Variants in AP3B1 observed in about 807,000 individuals in gnomAD.
The protein encoded by AP3B1 is adaptor related protein complex 3 subunit beta 1.
In AP3B1, 61 loss-of-function variants were observed where a neutral mutation model predicts 132.5. The observed-to-expected ratio is 0.46, with a 90% CI of 0.37 to 0.57. The LOEUF is 0.57. AP3B1 is among the 20% of genes least tolerant of loss of function. The pLI is 0.00. For missense variants in AP3B1, 1,120 were observed against 1,289.4 expected, an observed-to-expected ratio of 0.87 and a Z score of 2.01; for synonymous variants, 388 against 438.3, an observed-to-expected ratio of 0.89 and a Z score of 1.43.
intron 2 of AP3B1, among the ~76,000 whole-genome samples, chr5:78,248,078 T>C (rs187926205): frequency 2.4e-4 from 37 of 152,346 alleles, no homozygotes; most frequent in African/African-American, 8.7e-4. Flanking sequence ...AAACAGCATA[T>C]CTTTAACTTA....
chr5:78,002,238 A>G (rs1376498718), downstream of AP3B1: 1 of 173,860 alleles, frequency 5.8e-6, no homozygotes, highest in Admixed American at 6.3e-5. Flanking sequence ...ATAATGTAAC[A>G]CTCAAAATAC....
intron 22 of AP3B1, among the ~76,000 whole-genome samples, chr5:78,061,021 G>A (rs1025889195): frequency 5.3e-5 from 8 of 151,812 alleles, no homozygotes; most frequent in Non-Finnish European, 1.0e-4. Context: ...ACATATAGTG[G>A]CACCCTTTGG....
chr5:78,167,659 A>G (rs1743700441), intron 11 of AP3B1, among the ~76,000 whole-genome samples: 1 of 151,972 alleles, frequency 6.6e-6, no homozygotes, highest in African/African-American at 2.4e-5. Flanking sequence ...ACACACACAC[A>G]TACACACCAT....
At chr5:78,222,499 G>C (rs1746221886) in intron 6 of AP3B1, 1 of 152,130 alleles carries the variant, frequency 6.6e-6, no homozygotes, top group African/African-American at 2.4e-5. Context: ...CTAGTGGTTA[G>C]AACAATGAAC....
chr5:78,087,652 G>A, intron 22 of AP3B1: 1 of 985,170 alleles, frequency 1.0e-6, no homozygotes, highest in Non-Finnish European at 1.2e-6. Context: ...AACTTTAGAT[G>A]GAGTGCTTTT....
intron 11 of AP3B1, among the ~76,000 whole-genome samples, chr5:78,172,801 A>T (rs1457478995): frequency 1.3e-5 from 2 of 152,148 alleles, no homozygotes; most frequent in African/African-American, 4.8e-5. Context: ...GCCTTCTGCT[A>T]GCTGTTGAAT....
At chr5:78,009,620 C>T (rs917740791) in intron 26 of AP3B1, among the ~76,000 whole-genome samples, 12 of 152,130 alleles carry the variant, frequency 7.9e-5, no homozygotes, top group African/African-American at 2.9e-4. Context: ...ACTCACAGCA[C>T]CAGACTTTCC....
intron 11 of AP3B1, among the ~76,000 whole-genome samples, chr5:78,172,329 T>C (rs1042982935): frequency 2.0e-5 from 3 of 152,220 alleles, no homozygotes; most frequent in African/African-American, 7.2e-5. Flanking sequence ...CAGCTCCTCT[T>C]TGTACCTCTG....
intron 17 of AP3B1, among the ~76,000 whole-genome samples, chr5:78,126,962 A>C (rs987258781): frequency 6.6e-6 from 1 of 152,210 alleles, no homozygotes; most frequent in Non-Finnish European, 1.5e-5. Flanking sequence ...GGTTTAAACA[A>C]GATAGTTTTT....
At position 78,064,488 on chromosome 5, in the gene AP3B1, G is replaced by A. The variant is rs371161770; in HGVS notation, c.2577+24905C>T. ...TTGAAATGAGCCTCTTGTCTGGCTG[G>A]GGCTGCCCCCTTTCAGTGCATGATT... On this transcript the variant is annotated intron_variant, in intron 22 of 26. Transcript: ENST00000255194. Among the ~76,000 whole-genome samples the A allele has an allele frequency of 2.6e-5, 4 of 152,224 alleles. No individual in the cohort carries two copies. In the East Asian group the frequency reaches 7.7e-4, roughly 29 times the overall value.
intron 22 of AP3B1, among the ~76,000 whole-genome samples, chr5:78,046,897 CCT>C (rs1368865623): frequency 1.3e-5 from 2 of 152,118 alleles, no homozygotes; most frequent in Non-Finnish European, 2.9e-5. Flanking sequence ...TGTTCCCCTC[CCT>C]GTGTCCATGT....
intron 20 of AP3B1, among the ~76,000 whole-genome samples, chr5:78,106,456 T>A (rs1751340390): frequency 6.8e-6 from 1 of 147,212 alleles, no homozygotes; most frequent in African/African-American, 2.5e-5. Context: ...AGACTCTGTC[T>A]CAAAAAAAAG....
chr5:78,278,395 C>T (rs1362535116), intron 1 of AP3B1, among the ~76,000 whole-genome samples: 2 of 138,708 alleles, frequency 1.4e-5, no homozygotes, highest in Middle Eastern at 3.4e-3. Context: ...GTCAGGAGAT[C>T]GAGACCATCC....
At position 78,002,863 on chromosome 5, in the gene AP3B1, T is replaced by C. The variant is rs1423406222; in HGVS notation, c.*39A>G. The C allele has an allele frequency of 1.2e-6, 2 of 1,613,364 alleles. No homozygotes were observed. Among genetic ancestry groups the C allele is most frequent in the Admixed American group, 1.7e-5 (1 of 60,022 alleles). ...CAGCAGTAGTGGATGCCAGGCACTT[T>C]TGTTGTGTGCCAGATTCTAAAGTCC... On this transcript the variant is annotated 3_prime_UTR_variant, in exon 27 of 27. Transcript: ENST00000255194.
chr5:78,229,708 C>T (rs1746556722), intron 3 of AP3B1, among the ~76,000 whole-genome samples: 1 of 151,940 alleles, frequency 6.6e-6, no homozygotes, highest in African/African-American at 2.4e-5. Flanking sequence ...CACTGCACTC[C>T]AGCCTGGGCA....
chr5:78,085,870 A>G (rs1162895529), intron 22 of AP3B1, among the ~76,000 whole-genome samples: 1 of 152,138 alleles, frequency 6.6e-6, no homozygotes, highest in Admixed American at 6.5e-5. Flanking sequence ...AATTAAAACC[A>G]AAAAATAAAA....
At chr5:78,278,675 A>G (rs1748904272) in intron 1 of AP3B1, among the ~76,000 whole-genome samples, 1 of 151,828 alleles carries the variant, frequency 6.6e-6, no homozygotes, top group Non-Finnish European at 1.5e-5. Context: ...AGTGGTTTAA[A>G]ACAGGGGTCC....
At chr5:78,211,889 G>A (rs1390565918) in intron 7 of AP3B1, among the ~76,000 whole-genome samples, 1 of 152,186 alleles carries the variant, frequency 6.6e-6, no homozygotes, top group Admixed American at 6.5e-5. Flanking sequence ...AATTAATATT[G>A]TCTTAAGTGA....
chr5:78,061,593 T>A (rs935079505), intron 22 of AP3B1, among the ~76,000 whole-genome samples: 25 of 152,250 alleles, frequency 1.6e-4, no homozygotes, highest in Non-Finnish European at 3.1e-4. Context: ...TTTTCTGGTA[T>A]AAAACATGTC....
Sources: allele counts gnomAD v4.1 joint callset (sites outside exome capture counted in the v4.1 genomes callset), GRCh38; gene constraint gnomAD v4.1.1; transcripts MANE v1.5; gene names NCBI Gene and HGNC (gene_info 2026-07-23, HGNC 2026-07-21).